The following MSRA variants were observed in gnomAD, a reference collection of about 807,000 sequenced individuals.
MSRA encodes the protein mitochondrial peptide methionine sulfoxide reductase.
MSRA carries 54 observed loss-of-function variants against 31.3 expected under a neutral mutation model. The observed-to-expected ratio is 1.73, with a 90% CI of 1.39 to 2.17. MSRA has a LOEUF of 2.17. Ranked by LOEUF, MSRA falls within the 30% of genes most tolerant of loss-of-function variation. MSRA has a pLI of 0.00. For synonymous variants in MSRA, 169 were observed against 116.5 expected (o/e 1.45, Z -2.90); for missense variants, 507 against 300.9 (o/e 1.69, Z -5.07).
intron 1 of MSRA, among the ~76,000 whole-genome samples, chr8:10,100,292 A>G (rs1033830049): frequency 6.6e-6 from 1 of 152,158 alleles, no homozygotes; most frequent in Non-Finnish European, 1.5e-5. Flanking sequence ...AGGCAGAGTC[A>G]GGAGCATTGT....
intron 3 of MSRA, among the ~76,000 whole-genome samples, chr8:10,262,512 T>G (rs1432413499): frequency 6.6e-6 from 1 of 152,246 alleles, no homozygotes; most frequent in Non-Finnish European, 1.5e-5. Context: ...TTTGCTATTT[T>G]TATATCTTCT....
intron 1 of MSRA, among the ~76,000 whole-genome samples, chr8:10,148,949 G>A (rs1415423604): frequency 1.7e-5 from 2 of 120,274 alleles, no homozygotes; most frequent in South Asian, 2.9e-4. Flanking sequence ...TGTGTGTGTC[G>A]CTGGTAAATT....
rs13439670 is a variant in MSRA at position 10,209,110 on chromosome 8, T to C, written c.211+1209T>C. The stretch of plus-strand genomic sequence containing the variant: ...ACTGATCAGTGATGAGAAATCATTA[T>C]GCCCAGAAATTTAAATGGAGAAGTT... On this transcript the variant is annotated intron_variant, in intron 2 of 5. Coordinates refer to ENST00000317173, the MANE Select transcript of MSRA (RefSeq NM_012331.5). 1.6e-3 allele frequency among the ~76,000 whole-genome samples: 238 copies of C among 152,358 alleles called. 1 individual carries two copies. Among genetic ancestry groups the C allele is most frequent in the African/African-American group, 5.2e-3 (215 of 41,590 alleles).
In MSRA at chr8:10,301,532, A is replaced by G; in HGVS notation, c.332-2A>G. On this transcript the variant is annotated splice_acceptor_variant, in intron 3 of 5. Transcript: ENST00000317173. LOFTEE classifies it high-confidence loss of function. ...TCGGTTGTACGTTTTGTTTTTTCCA[A>G]GAAAAAACTGGCCATGCAGAAGTCG... 1 of 1,606,588 alleles carries G rather than the reference A, an allele frequency of 6.2e-7. No homozygotes were observed. The highest frequency in any genetic ancestry group is 1.1e-5 in the South Asian group (1 of 88,824).
At chr8:10,354,464 T>G (rs1804385411) in intron 5 of MSRA, among the ~76,000 whole-genome samples, 1 of 152,216 alleles carries the variant, frequency 6.6e-6, no homozygotes, top group Admixed American at 6.5e-5. Context: ...TTATGCAATT[T>G]ATGTTTATAG....
intron 5 of MSRA, among the ~76,000 whole-genome samples, chr8:10,333,594 T>G (rs1049090065): frequency 6.6e-6 from 1 of 152,178 alleles, no homozygotes; most frequent in Non-Finnish European, 1.5e-5. Context: ...AGGATAATAG[T>G]GGCTACTTCT....
At chr8:10,112,501 G>A (rs906090814) in intron 1 of MSRA, among the ~76,000 whole-genome samples, 1 of 152,110 alleles carries the variant, frequency 6.6e-6, no homozygotes, top group Non-Finnish European at 1.5e-5. Flanking sequence ...TGTAGCTAAT[G>A]CCATTAAACA....
At chr8:10,190,344 C>A (rs1383703441) in intron 1 of MSRA, among the ~76,000 whole-genome samples, 1 of 152,164 alleles carries the variant, frequency 6.6e-6, no homozygotes, top group Non-Finnish European at 1.5e-5. Context: ...CTGCCTGTGC[C>A]GCTTCTGTCC....
intron 1 of MSRA, among the ~76,000 whole-genome samples, chr8:10,096,569 T>C (rs1393269788): frequency 6.6e-6 from 1 of 152,168 alleles, no homozygotes; most frequent in Non-Finnish European, 1.5e-5. Context: ...TTATTTTTGG[T>C]TGATTAGATT....
intron 2 of MSRA, among the ~76,000 whole-genome samples, chr8:10,236,754 C>T (rs1186680326): frequency 1.3e-5 from 2 of 152,118 alleles, no homozygotes; most frequent in Non-Finnish European, 2.9e-5. Context: ...CTATGTTGGC[C>T]AGGCTGGTCT....
At chr8:10,190,142 G>A (rs79733849) in intron 1 of MSRA, among the ~76,000 whole-genome samples, 2,691 of 152,214 alleles carry the variant, frequency 0.018, 85 homozygotes, top group African/African-American at 0.061. Context: ...TGTCAGTAGA[G>A]GGCGCTTTGG....
intron 1 of MSRA, among the ~76,000 whole-genome samples, chr8:10,116,484 C>T (rs530208644): frequency 1.2e-4 from 19 of 152,230 alleles, no homozygotes; most frequent in African/African-American, 3.6e-4. Flanking sequence ...CTACGCTCTG[C>T]GGTACAGAGA....
At chr8:10,301,288 A>G (rs989093870) in intron 3 of MSRA, among the ~76,000 whole-genome samples, 2 of 152,200 alleles carry the variant, frequency 1.3e-5, no homozygotes, top group African/African-American at 2.4e-5. Context: ...ACTTAAAACA[A>G]TTTATTAGAG....
intron 1 of MSRA, among the ~76,000 whole-genome samples, chr8:10,083,268 A>C (rs928438216): frequency 2.0e-5 from 3 of 152,244 alleles, no homozygotes; most frequent in South Asian, 2.1e-4. Context: ...AATTAGTCAA[A>C]TCTAAAACTC....
chr8:10,266,392 A>T (rs746291371), intron 3 of MSRA, among the ~76,000 whole-genome samples: 1 of 152,178 alleles, frequency 6.6e-6, no homozygotes, highest in Admixed American at 6.5e-5. Flanking sequence ...TATGTCTTTC[A>T]TAAATTGTCT....
At chr8:10,351,812 A>T (rs919714339) in intron 5 of MSRA, among the ~76,000 whole-genome samples, 1 of 152,146 alleles carries the variant, frequency 6.6e-6, no homozygotes, top group Admixed American at 6.5e-5. Flanking sequence ...GCAGATTCGG[A>T]TACAGCAGGT....
At chr8:10,267,499 G>C (rs923004796) in intron 3 of MSRA, among the ~76,000 whole-genome samples, 2 of 152,126 alleles carry the variant, frequency 1.3e-5, no homozygotes, top group Non-Finnish European at 2.9e-5. Flanking sequence ...CATTGACTGT[G>C]GTATATGGCT....
At chr8:10,172,607 C>G (rs1436324672) in intron 1 of MSRA, among the ~76,000 whole-genome samples, 2 of 152,114 alleles carry the variant, frequency 1.3e-5, no homozygotes, top group African/African-American at 4.8e-5. Flanking sequence ...AGAACTCAGT[C>G]TTAAGGGGGC....
intron 1 of MSRA, among the ~76,000 whole-genome samples, chr8:10,172,087 C>G (rs1305058524): frequency 6.6e-6 from 1 of 152,216 alleles, no homozygotes; most frequent in Non-Finnish European, 1.5e-5. Flanking sequence ...TAGGAGGAGC[C>G]TCCATTGTAG....
Sources: gnomAD v4.1 joint callset for allele counts (sites outside exome capture counted in the v4.1 genomes callset) on GRCh38, gnomAD v4.1.1 for gene constraint, MANE v1.5 for transcripts, NCBI Gene and HGNC (gene_info 2026-07-23, HGNC 2026-07-21) for gene names.